The following PHF21B variants were observed in gnomAD, a reference collection of about 807,000 sequenced individuals.
PHF21B encodes the protein PHD finger protein 4.
PHF21B carries 22 observed loss-of-function variants against 62.2 expected under a neutral mutation model. The ratio of observed to expected loss-of-function variants is 0.35; its 90% CI spans 0.25 to 0.51. The LOEUF (loss-of-function observed/expected upper bound fraction) is 0.51. Among genes scored for constraint, PHF21B ranks in the 20% least tolerant of loss-of-function variants. PHF21B has a pLI of 0.97. For missense variants in PHF21B, 701 were observed against 707.9 expected (o/e 0.99, Z 0.11); for synonymous variants, 341 against 314.7 (o/e 1.08, Z -0.88).
intron 2 of PHF21B, among the ~76,000 whole-genome samples, chr22:44,998,835 G>T (rs1056630498): frequency 6.6e-6 from 1 of 152,060 alleles, no homozygotes. Context: ...CGGGAATCAC[G>T]CCCGGTGCGT....
chr22:44,965,224 G>T (rs1478829123), intron 2 of PHF21B, among the ~76,000 whole-genome samples: 1 of 152,044 alleles, frequency 6.6e-6, no homozygotes, highest in Non-Finnish European at 1.5e-5. Context: ...TCTGAACACA[G>T]CCGCCTCTGG....
At chr22:45,000,349 G>A (rs1198575119) in intron 2 of PHF21B, among the ~76,000 whole-genome samples, 1 of 152,138 alleles carries the variant, frequency 6.6e-6, no homozygotes, top group African/African-American at 2.4e-5. Context: ...CTCGGCTGCT[G>A]AAGAAGGAGT....
chr22:44,962,230 A>G (rs1156828264), intron 2 of PHF21B, among the ~76,000 whole-genome samples: 1 of 152,266 alleles, frequency 6.6e-6, no homozygotes, highest in Non-Finnish European at 1.5e-5. Flanking sequence ...ATTCCCACCA[A>G]GAGTGTATAA....
chr22:45,004,289 G>C (rs1035452309), intron 2 of PHF21B, among the ~76,000 whole-genome samples: 1 of 152,168 alleles, frequency 6.6e-6, no homozygotes, highest in Non-Finnish European at 1.5e-5. Context: ...ACGCAGTGAA[G>C]GGGCTATCAC....
chr22:44,939,499 G>A (rs1239070955), intron 2 of PHF21B, among the ~76,000 whole-genome samples: 2 of 152,220 alleles, frequency 1.3e-5, no homozygotes, highest in Non-Finnish European at 2.9e-5. Context: ...GAGCTTCCCA[G>A]GTGGGGGCGG....
chr22:44,964,136 T>G (rs1000440494), intron 2 of PHF21B, among the ~76,000 whole-genome samples: 1 of 152,198 alleles, frequency 6.6e-6, no homozygotes, highest in African/African-American at 2.4e-5. Context: ...ATGAAACAGA[T>G]GAATATCTGT....
chr22:44,887,038 C>A (rs2070871909), intron 10 of PHF21B, among the ~76,000 whole-genome samples: 1 of 151,826 alleles, frequency 6.6e-6, no homozygotes, highest in South Asian at 2.1e-4. Context: ...TGCCTGTAAT[C>A]CCAGCTACTT....
chr22:44,907,429 G>A (rs2071270074), intron 5 of PHF21B, among the ~76,000 whole-genome samples: 1 of 152,242 alleles, frequency 6.6e-6, no homozygotes, highest in Admixed American at 6.5e-5. Flanking sequence ...TGTGTGGGGT[G>A]AACAGGCCAG....
At chr22:44,988,134 T>C (rs2072985289) in intron 2 of PHF21B, among the ~76,000 whole-genome samples, 2 of 152,228 alleles carry the variant, frequency 1.3e-5, no homozygotes, top group Admixed American at 6.5e-5. Flanking sequence ...TTTCATCCCA[T>C]GATACAATCA....
chr22:44,996,461 G>C (rs1466721663), intron 2 of PHF21B, among the ~76,000 whole-genome samples: 1 of 151,974 alleles, frequency 6.6e-6, no homozygotes, highest in Non-Finnish European at 1.5e-5. Context: ...CTCCAGACTG[G>C]GGGCGGAAAT....
At chr22:44,932,113 G>A (rs562405117) in intron 2 of PHF21B, among the ~76,000 whole-genome samples, 14 of 152,336 alleles carry the variant, frequency 9.2e-5, no homozygotes, top group Middle Eastern at 3.4e-3. Flanking sequence ...TGGAGGCCTC[G>A]AACCTCCACT....
intron 2 of PHF21B, among the ~76,000 whole-genome samples, chr22:44,952,969 C>A (rs2072223640): frequency 6.6e-6 from 1 of 152,200 alleles, no homozygotes; most frequent in Non-Finnish European, 1.5e-5. Context: ...CCCTGCTGAC[C>A]TAGCTCCTCC....
intron 2 of PHF21B, among the ~76,000 whole-genome samples, chr22:44,988,847 AG>A (rs1569276752): frequency 6.6e-6 from 1 of 152,168 alleles, no homozygotes; most frequent in Admixed American, 6.5e-5. Flanking sequence ...ACAGTTCTGG[AG>A]GCTGGGAAGT....
intron 2 of PHF21B, among the ~76,000 whole-genome samples, chr22:44,965,534 C>T (rs138879535): frequency 2.3e-3 from 344 of 151,166 alleles, no homozygotes; most frequent in African/African-American, 7.7e-3. Context: ...TTTCCCAGTT[C>T]TTGGCTGAGG....
chr22:45,002,244 G>A (rs1192563888), intron 2 of PHF21B, among the ~76,000 whole-genome samples: 1 of 152,144 alleles, frequency 6.6e-6, no homozygotes, highest in Admixed American at 6.5e-5. Context: ...TACGTTACAT[G>A]TGGCCAAGAA....
chr22:44,946,907 G>A (rs1345459013), intron 2 of PHF21B, among the ~76,000 whole-genome samples: 1 of 152,184 alleles, frequency 6.6e-6, no homozygotes, highest in African/African-American at 2.4e-5. Context: ...AGGGTAGCAG[G>A]GCCTCTGGTG....
At chr22:44,928,338 C>T (rs994208926) in intron 2 of PHF21B, among the ~76,000 whole-genome samples, 14 of 152,186 alleles carry the variant, frequency 9.2e-5, no homozygotes, top group African/African-American at 2.7e-4. Context: ...TGGTCCAGGA[C>T]GAGCCCTGTC....
intron 5 of PHF21B, among the ~76,000 whole-genome samples, chr22:44,905,246 G>A (rs1388290425): frequency 1.3e-5 from 2 of 152,090 alleles, no homozygotes; most frequent in African/African-American, 4.8e-5. Flanking sequence ...TCTTTTACAT[G>A]TTTGCATCTC....
intron 8 of PHF21B, 114 bp from the exon 9 acceptor site, chr22:44,889,896 G>C: frequency 8.6e-7 from 1 of 1,162,330 alleles, no homozygotes; most frequent in Non-Finnish European, 1.2e-6. Flanking sequence ...GGGCATGATG[G>C]GAGCATCATA....
Sources: gnomAD v4.1 joint callset for allele counts (sites outside exome capture counted in the v4.1 genomes callset) on GRCh38, gnomAD v4.1.1 for gene constraint, MANE v1.5 for transcripts, NCBI Gene and HGNC (gene_info 2026-07-23, HGNC 2026-07-21) for gene names.